Variants in FBN1 observed in about 807,000 individuals in gnomAD.
The protein encoded by FBN1 is fibrillin-1.
Under a neutral mutation model 365.1 loss-of-function variants are expected in FBN1, and 29 were observed. The ratio of observed to expected loss-of-function variants is 0.08; its 90% confidence interval spans 0.06 to 0.11. The LOEUF is 0.11. FBN1 is among the 10% of genes least tolerant of loss of function. The probability of loss-of-function intolerance (pLI) is 1.00; values close to 1 mark genes in which losing one functional copy is unlikely to be tolerated. For missense variants in FBN1, 2,476 were observed against 3,703.2 expected (o/e 0.67, Z 8.60); for synonymous variants, 1,210 against 1,270.5 (o/e 0.95, Z 1.01).
Position 48,468,498 on chromosome 15 carries a change from C to T in FBN1, c.4496G>A (p.Ser1499Asn). The change falls in exon 37 of 66, where the codon AGT (serine) becomes AAT (asparagine). Residue 1499 changes from serine (S) to asparagine (N), a missense_variant. Around this residue, in one of 5 missense-constraint regions of FBN1, gnomAD observed 1,780 missense variants for 2,840.8 expected, o/e 0.63. Transcript: ENST00000316623. ...GCCTGGAGTGTTGACACAGTTCCCA[C>T]TGATGCACGTGGTTGGATCCAGGCA... ...NECLDPTTCI[S>N]GNCVNTPGSY... is the part of the protein sequence containing the mutation. 6.2e-7 allele frequency: 1 copy of T among 1,614,138 alleles called. No individual in the cohort carries two copies. Among genetic ancestry groups the T allele is most frequent in the East Asian group, 2.2e-5 (1 of 44,866 alleles).
At chr15:48,554,415 T>C (rs2044164599) in intron 6 of FBN1, among the ~76,000 whole-genome samples, 1 of 152,196 alleles carries the variant, frequency 6.6e-6, no homozygotes, top group Admixed American at 6.5e-5. Context: ...CAGTGCAGTG[T>C]TGGAGTGTTG....
chr15:48,592,923 C>T (rs1160960093), intron 6 of FBN1, among the ~76,000 whole-genome samples: 1 of 152,078 alleles, frequency 6.6e-6, no homozygotes, highest in Non-Finnish European at 1.5e-5. Flanking sequence ...ATTTTTTATC[C>T]TCTGGGTGTA....
intron 4 of FBN1, among the ~76,000 whole-genome samples, chr15:48,604,517 G>A (rs2044591594): frequency 6.6e-6 from 1 of 152,150 alleles, no homozygotes; most frequent in South Asian, 2.1e-4. Flanking sequence ...ACACAGCTTG[G>A]AAGAGAAACT....
In FBN1 at chr15:48,490,090, A is replaced by C. The variant is rs2043545962; in HGVS notation, c.2855-12T>G. On this transcript the variant is annotated splice_polypyrimidine_tract_variant and intron_variant, in intron 24 of 65. Transcript: ENST00000316623. Reference sequence around the variant, plus strand: ...TTCCAGGCGGATATCTGTCAGAGGGAATCAAGGGAGGTTAAATAGAGCCAC... The same window carrying C: ...TTCCAGGCGGATATCTGTCAGAGGGCATCAAGGGAGGTTAAATAGAGCCAC... 6.2e-7 allele frequency: 1 copy of C among 1,613,300 alleles called. No homozygotes were observed. Among genetic ancestry groups the C allele is most frequent in the African/African-American group, 1.3e-5 (1 of 74,904 alleles).
In FBN1 at chr15:48,610,883, G is replaced by C. The variant is rs2044651398; in HGVS notation, c.248-57C>G. ...GGATTTGGAACACGATTTGTTATAG[G>C]GGACCAATCCTCAAATGAGGAAACC... On this transcript the variant is annotated intron_variant, in intron 3 of 65. Transcript: ENST00000316623. 4 of 1,445,316 alleles carry C rather than the reference G, an allele frequency of 2.8e-6. No individual in the cohort carries two copies. The East Asian group carries it at 9.1e-5, about 33-fold the overall frequency. 89.5% of individuals were successfully genotyped at this position (1,445,316 alleles called of 1,614,324 possible).
chr15:48,459,023 G>T (rs997117218), intron 43 of FBN1, among the ~76,000 whole-genome samples: 2 of 152,246 alleles, frequency 1.3e-5, no homozygotes, highest in African/African-American at 2.4e-5. Flanking sequence ...GGCCTTGGGT[G>T]AGTCCCTTCC....
At chr15:48,589,015 G>A (rs1299172427) in intron 6 of FBN1, among the ~76,000 whole-genome samples, 1 of 152,154 alleles carries the variant, frequency 6.6e-6, no homozygotes, top group Admixed American at 6.5e-5. Flanking sequence ...GCAATTTATC[G>A]TGGCAGAAAA....
intron 2 of FBN1, chr15:48,643,541 A>G (rs1036398983): frequency 1.3e-5 from 2 of 152,220 alleles, no homozygotes; most frequent in African/African-American, 4.8e-5. Flanking sequence ...AACACCTCAT[A>G]ACAAAAAAAG....
At position 48,428,455 on chromosome 15, in the gene FBN1, C is replaced by A. The variant is rs363830; in HGVS notation, c.6888G>T (p.Gln2296His). The stretch of plus-strand genomic sequence containing the variant: ...CATTCTCACAGATCCCTGGCTTCGT[C>A]TGACATTCATTCTCATCTGTTTGAT... ...GEGCVDENEC[Q>H]TKPGICENGR... The change falls in exon 57 of 66, where the codon CAG becomes CAT. Residue 2296 changes from glutamine to histidine, a missense_variant. Physicochemically the swap from Gln to His is conservative, Grantham distance 24. Transcript: ENST00000316623. 53 of 1,613,946 alleles carry A rather than the reference C, an allele frequency of 3.3e-5. No individual in the cohort carries two copies. The highest frequency in any genetic ancestry group is 4.3e-5 in the Non-Finnish European group (51 of 1,179,982).
rs778537464 is a variant in FBN1, at chr15:48,441,815, A to G, written c.6069T>C (p.Ile2023=). 4 of 1,613,618 alleles carry G rather than the reference A, an allele frequency of 2.5e-6. No homozygotes were observed. The South Asian group carries it at 3.3e-5, about 13-fold the overall frequency. Residue 2023 remains isoleucine (I), a synonymous_variant, in exon 50 of 66, where the codon ATT becomes ATC. Coordinates refer to ENST00000316623, the MANE Select transcript of FBN1 (RefSeq NM_000138.5). ...DIDECVEEPE[I]CALGTCSNTE... ...TGTTACTGCATGTGCCCAGGGCACA[A>G]ATTTCTGGCTCTTCGACACACTCAT... is the stretch of plus-strand genomic sequence containing the variant.
At chr15:48,503,982 C>A in intron 16 of FBN1, 43 bp from the exon 17 acceptor site, 1 of 1,611,932 alleles carries the variant, frequency 6.2e-7, no homozygotes, top group Non-Finnish European at 8.5e-7. Flanking sequence ...TCACTTCAAA[C>A]AGATGAGAAC....
rs112936114 is a variant in FBN1 at position 48,509,661 on chromosome 15, T to C, written c.1714+383A>G. Among the ~76,000 whole-genome samples the C allele has an allele frequency of 1.5e-4, 23 of 151,438 alleles. 1 individual carries two copies. The highest frequency in any genetic ancestry group is 5.5e-4 in the African/African-American group (23 of 41,454). On this transcript the variant is annotated intron_variant, in intron 14 of 65. Transcript: ENST00000316623. ...GATATATATTTCAGATACTGATTAG[T>C]AGCATTTTATTACTAGGCAGACACT...
At chr15:48,421,495 T>C (rs2042940878) in intron 62 of FBN1, 63 bp downstream of exon 62, 1 of 1,589,662 alleles carries the variant, frequency 6.3e-7, no homozygotes, top group Non-Finnish European at 8.6e-7. Flanking sequence ...AAGGTGCCAA[T>C]AGCCACACAG....
chr15:48,511,704 G>T (rs1253735871), intron 13 of FBN1, among the ~76,000 whole-genome samples: 1 of 152,124 alleles, frequency 6.6e-6, no homozygotes, highest in African/African-American at 2.4e-5. Flanking sequence ...ATGTGAGCAC[G>T]TTCTCAACTT....
intron 13 of FBN1, among the ~76,000 whole-genome samples, chr15:48,511,728 T>C (rs2043761049): frequency 1.3e-5 from 2 of 152,218 alleles, no homozygotes; most frequent in Non-Finnish European, 2.9e-5. Context: ...ATTTTCAGGA[T>C]AACCTTAGTG....
At chr15:48,534,931 G>A (rs971525028) in intron 7 of FBN1, among the ~76,000 whole-genome samples, 2 of 152,148 alleles carry the variant, frequency 1.3e-5, no homozygotes, top group Non-Finnish European at 2.9e-5. Context: ...CCAGCTCAAC[G>A]TGCAAGTGTG....
rs189641641 is a variant in FBN1 at position 48,563,573 on chromosome 15, T to C, written c.539-25765A>G. 1.1e-3 allele frequency among the ~76,000 whole-genome samples: 169 copies of C among 152,308 alleles called. 1 individual carries two copies. Among genetic ancestry groups the C allele is most frequent in the Admixed American group, 2.7e-3 (41 of 15,302 alleles). Reference sequence around the variant, plus strand: ...TTATAAAACAAAATATTTTAAAAATTTCCAAGCAATTAAGCCTTCAAGTGT... The same window carrying C: ...TTATAAAACAAAATATTTTAAAAATCTCCAAGCAATTAAGCCTTCAAGTGT... On this transcript the variant is annotated intron_variant, in intron 6 of 65. Coordinates refer to ENST00000316623, the MANE Select transcript of FBN1 (RefSeq NM_000138.5).
At chr15:48,413,954 C>T (rs1369937164) in intron 64 of FBN1, among the ~76,000 whole-genome samples, 1 of 152,182 alleles carries the variant, frequency 6.6e-6, no homozygotes, top group Admixed American at 6.5e-5. Flanking sequence ...AGAAACAATA[C>T]AATGGATGAA....
At chr15:48,428,267 T>A in intron 57 of FBN1, 79 bp downstream of exon 57, 1 of 1,550,504 alleles carries the variant, frequency 6.4e-7, no homozygotes, top group Non-Finnish European at 8.9e-7. Flanking sequence ...TTTTCTTGTA[T>A]TTTAAATAAG....
Sources: gnomAD v4.1 joint callset for allele counts (sites outside exome capture counted in the v4.1 genomes callset) on GRCh38, gnomAD v4.1.1 for gene constraint, gnomAD v4.1.1 regional missense constraint, MANE v1.5 for transcripts, NCBI Gene and HGNC (gene_info 2026-07-23, HGNC 2026-07-21) for gene names.